Variants in SAMMSON observed in about 807,000 individuals in gnomAD.
SAMMSON encodes survival associated mitochondrial melanoma specific oncogenic non-coding RNA, also known as long intergenic non-protein coding RNA 1212.
At chr3:70,199,172 G>T (rs1039874351) in intron 4 of SAMMSON, among the ~76,000 whole-genome samples, 24 of 152,154 alleles carry the variant, frequency 1.6e-4, no homozygotes, top group Non-Finnish European at 2.9e-5. Flanking sequence ...GTTTGCTTTG[G>T]AGTTAAGTAG....
At chr3:70,405,801 T>G (rs1339510281) in intron 2 of SAMMSON, among the ~76,000 whole-genome samples, 1 of 152,170 alleles carries the variant, frequency 6.6e-6, no homozygotes, top group African/African-American at 2.4e-5. Context: ...TGGCCAAAAT[T>G]TGTTCACGTT....
intron 3 of SAMMSON, among the ~76,000 whole-genome samples, chr3:70,027,864 C>T (rs1056017685): frequency 2.6e-5 from 4 of 152,040 alleles, no homozygotes; most frequent in South Asian, 4.2e-4. Flanking sequence ...CAAGGTAATG[C>T]GGTGATTTCT....
chr3:70,333,494 A>G (rs947097646), intron 7 of SAMMSON, among the ~76,000 whole-genome samples: 14 of 152,196 alleles, frequency 9.2e-5, no homozygotes, highest in Admixed American at 2.6e-4. Flanking sequence ...TGTCTTGTCT[A>G]CATGTTCTGC....
At chr3:70,120,048 T>A (rs1244677618) in intron 4 of SAMMSON, 1 of 152,234 alleles carries the variant, frequency 6.6e-6, no homozygotes, top group Non-Finnish European at 1.5e-5. Flanking sequence ...AGTTCTTCAA[T>A]AAAGGGCTGT....
Position 70,330,612 on chromosome 3 carries a change from C to A in SAMMSON, n.740-23563C>A, listed in dbSNP as rs191388050. On this transcript the variant is annotated intron_variant and non_coding_transcript_variant, in intron 7 of 9. Coordinates refer to ENST00000642114, the Ensembl canonical transcript of SAMMSON. ...CAACATAAAAATTGTTGTTTATATA[C>A]CCTGCTTGATAATTATGTCCTATAA... Among the ~76,000 whole-genome samples the A allele has an allele frequency of 4.4e-3, 665 of 152,046 alleles. 1 individual carries two copies. The highest frequency in any genetic ancestry group is 0.01 in the Admixed American group (154 of 15,282).
chr3:70,161,931 T>A (rs2067617230), intron 4 of SAMMSON, among the ~76,000 whole-genome samples: 1 of 151,818 alleles, frequency 6.6e-6, no homozygotes, highest in South Asian at 2.1e-4. Context: ...GTTGACATAA[T>A]GTTGTTCTTA....
chr3:70,352,652 A>G (rs1432716339), intron 7 of SAMMSON, among the ~76,000 whole-genome samples: 1 of 152,114 alleles, frequency 6.6e-6, no homozygotes, highest in Non-Finnish European at 1.5e-5. Flanking sequence ...TATCCTTGAG[A>G]GTTGAGCAAA....
At chr3:70,118,190 G>A (rs1488212992) in intron 4 of SAMMSON, among the ~76,000 whole-genome samples, 3 of 152,156 alleles carry the variant, frequency 2.0e-5, no homozygotes, top group Non-Finnish European at 4.4e-5. Flanking sequence ...CCAAAGTGCT[G>A]GGATTACAGG....
chr3:70,198,028 G>A (rs1189685956), intron 4 of SAMMSON, among the ~76,000 whole-genome samples: 1 of 152,170 alleles, frequency 6.6e-6, no homozygotes, highest in African/African-American at 2.4e-5. Flanking sequence ...TTAGTTAGAA[G>A]ATGTAGCAGT....
chr3:70,354,658 G>T (rs1220121525), intron 8 of SAMMSON, among the ~76,000 whole-genome samples: 2 of 152,176 alleles, frequency 1.3e-5, no homozygotes, highest in Non-Finnish European at 2.9e-5. Flanking sequence ...TGCATTATGT[G>T]AGGCTATGCT....
At chr3:70,356,130 A>T (rs1702827676) in intron 8 of SAMMSON, among the ~76,000 whole-genome samples, 1 of 152,192 alleles carries the variant, frequency 6.6e-6, no homozygotes, top group Admixed American at 6.5e-5. Context: ...CATTCATAAA[A>T]GCAGGTATTA....
At position 70,028,186 on chromosome 3, in the gene SAMMSON, C is replaced by CTTT. The variant is rs1559776285; in HGVS notation, n.417+14514_417+14515insTTT. Among the ~76,000 whole-genome samples, 317 of 103,926 alleles carry CTTT rather than the reference C, an allele frequency of 3.1e-3. 4 individuals are homozygous for CTTT. Among genetic ancestry groups the CTTT allele is most frequent in the Admixed American group, 0.018 (168 of 9,566 alleles). The allele number at this position is 103,926 out of a possible 152,430, so 68.2% of individuals were successfully genotyped here. A position where few individuals can be genotyped will look rare whatever the true frequency, so the allele number is the denominator to read the frequency against. On this transcript the variant is annotated intron_variant and non_coding_transcript_variant, in intron 3 of 9. Transcript: ENST00000642114. ...TCCTTCCTTCCTTCCTTCCTTCCTT[C>CTTT]CTTTCTTTCTTTCTTTCTCTCTTTC...
intron 2 of SAMMSON, among the ~76,000 whole-genome samples, chr3:70,413,144 C>A (rs958297379): frequency 1.3e-5 from 2 of 152,056 alleles, no homozygotes; most frequent in African/African-American, 4.8e-5. Context: ...TGTCAAATAT[C>A]TTGTGTGCTC....
chr3:70,286,783 T>C (rs1031028711), intron 6 of SAMMSON, among the ~76,000 whole-genome samples: 2 of 152,186 alleles, frequency 1.3e-5, no homozygotes, highest in Non-Finnish European at 2.9e-5. Context: ...ACATCCCTTA[T>C]AAGTTGGATT....
intron 4 of SAMMSON, among the ~76,000 whole-genome samples, chr3:70,241,712 A>G (rs1701668327): frequency 6.6e-6 from 1 of 152,184 alleles, no homozygotes; most frequent in South Asian, 2.1e-4. Flanking sequence ...CTGTTCCTAA[A>G]CATTGCGGCT....
At chr3:70,042,554 A>C (rs970107995) in intron 3 of SAMMSON, among the ~76,000 whole-genome samples, 1 of 152,074 alleles carries the variant, frequency 6.6e-6, no homozygotes, top group Admixed American at 6.6e-5. Flanking sequence ...TACAGATGAC[A>C]ACACACTATA....
At chr3:70,316,361 A>G (rs1446087736) in intron 7 of SAMMSON, among the ~76,000 whole-genome samples, 2 of 152,154 alleles carry the variant, frequency 1.3e-5, no homozygotes, top group Admixed American at 6.6e-5. Flanking sequence ...AGATGAAATT[A>G]ATCAATGCGT....
rs187596926 is a variant in SAMMSON at position 70,007,644 on chromosome 3, A to G, written n.23-4713A>G. 5.2e-3 allele frequency among the ~76,000 whole-genome samples: 789 copies of G among 151,654 alleles called. 5 individuals are homozygous for G. The highest frequency in any genetic ancestry group is 0.018 in the African/African-American group (724 of 41,298). On this transcript the variant is annotated intron_variant and non_coding_transcript_variant, in intron 1 of 9. Transcript: ENST00000642114. ...TTTTTTTGCTGTGCAGAAGCTCTTT[A>G]GTTTAATTAGATCCCATTTGTCAAT...
At chr3:70,278,470 A>T (rs1405852465) in intron 6 of SAMMSON, among the ~76,000 whole-genome samples, 2 of 152,178 alleles carry the variant, frequency 1.3e-5, no homozygotes, top group Non-Finnish European at 2.9e-5. Flanking sequence ...CTTTAGGTGG[A>T]TACTGCCTAG....
Sources: allele counts gnomAD v4.1 joint callset (sites outside exome capture counted in the v4.1 genomes callset), GRCh38; gene constraint gnomAD v4.1.1; transcripts MANE v1.5; gene names NCBI Gene and HGNC (gene_info 2026-07-23, HGNC 2026-07-21).